ZFHX3: variants seen among roughly 807,000 people sequenced by gnomAD.
ZFHX3 encodes the protein zinc finger homeobox 3.
A neutral mutation model predicts 279.1 loss-of-function variants in ZFHX3; 42 were observed. The observed-to-expected ratio is 0.15, with a 90% CI of 0.12 to 0.19. The LOEUF (loss-of-function observed/expected upper bound fraction) is 0.19. Among genes scored for constraint, ZFHX3 ranks in the 10% least tolerant of loss-of-function variants. The probability of loss-of-function intolerance (pLI) is 1.00; values close to 1 mark genes in which losing one functional copy is unlikely to be tolerated. For missense variants in ZFHX3, 4,981 were observed against 4,754.0 expected (o/e 1.05, Z -1.40); for synonymous variants, 2,293 against 1,957.8 (o/e 1.17, Z -4.52).
At chr16:73,240,416 C>A (rs6499624) in intron 5 of ZFHX3, among the ~76,000 whole-genome samples, 1 of 151,682 alleles carries the variant, frequency 6.6e-6, no homozygotes, top group Non-Finnish European at 1.5e-5. Flanking sequence ...ACAGGGTTTC[C>A]CCATGTTCGC....
At chr16:73,243,941 T>C (rs2013203156) in intron 5 of ZFHX3, among the ~76,000 whole-genome samples, 1 of 152,210 alleles carries the variant, frequency 6.6e-6, no homozygotes, top group South Asian at 2.1e-4. Context: ...TGGTAGAGAA[T>C]GCCGGTAGAG....
intron 7 of ZFHX3, among the ~76,000 whole-genome samples, chr16:73,107,160 A>G (rs1259420091): frequency 1.3e-5 from 2 of 152,100 alleles, no homozygotes; most frequent in Non-Finnish European, 2.9e-5. Context: ...ATACAAAAAC[A>G]CTAGCTGAGT....
chr16:73,516,554 A>G (rs2019525924), intron 2 of ZFHX3, among the ~76,000 whole-genome samples: 1 of 152,310 alleles, frequency 6.6e-6, no homozygotes, highest in Middle Eastern at 3.4e-3. Context: ...AGGCTTAGAC[A>G]TACCTCCAGC....
At chr16:73,860,843 C>T (rs1202946611) in intron 1 of ZFHX3, among the ~76,000 whole-genome samples, 2 of 152,122 alleles carry the variant, frequency 1.3e-5, no homozygotes, top group African/African-American at 2.4e-5. Context: ...AGGGGCCACT[C>T]CCCCAACCCC....
chr16:73,431,902 C>G (rs1249923456), intron 3 of ZFHX3, among the ~76,000 whole-genome samples: 2 of 151,994 alleles, frequency 1.3e-5, no homozygotes, highest in Non-Finnish European at 2.9e-5. Flanking sequence ...AGCAACTAGA[C>G]CTTGGGACTC....
intron 2 of ZFHX3, among the ~76,000 whole-genome samples, chr16:73,481,267 T>G (rs547657563): frequency 5.3e-5 from 8 of 151,498 alleles, no homozygotes; most frequent in Admixed American, 2.6e-4. Context: ...AGGTGGAGGC[T>G]GCAGTGAGCT....
chr16:73,077,228 C>T (rs960188379), intron 8 of ZFHX3, among the ~76,000 whole-genome samples: 24 of 152,024 alleles, frequency 1.6e-4, no homozygotes, highest in African/African-American at 5.1e-4. Context: ...TGATCATTTC[C>T]CCTCAATCTA....
At chr16:73,797,354 G>C (rs959162469) in intron 1 of ZFHX3, among the ~76,000 whole-genome samples, 1 of 152,332 alleles carries the variant, frequency 6.6e-6, no homozygotes, top group Admixed American at 6.5e-5. Flanking sequence ...ATTTGCAGCA[G>C]TTTCCTGACC....
chr16:73,821,026 G>A (rs1300692358), intron 1 of ZFHX3, among the ~76,000 whole-genome samples: 2 of 152,140 alleles, frequency 1.3e-5, no homozygotes, highest in Non-Finnish European at 2.9e-5. Context: ...TGGGACTGAG[G>A]TCTAGAGAGC....
intron 3 of ZFHX3, among the ~76,000 whole-genome samples, chr16:73,412,285 C>T (rs1367435071): frequency 6.6e-6 from 1 of 150,620 alleles, no homozygotes; most frequent in African/African-American, 2.5e-5. Flanking sequence ...CATAATCACG[C>T]CACGGCACTC....
chr16:73,025,999 G>A (rs979219365), intron 1 of ZFHX3, among the ~76,000 whole-genome samples: 1 of 151,892 alleles, frequency 6.6e-6, no homozygotes, highest in Non-Finnish European at 1.5e-5. Flanking sequence ...CGCCAGATTC[G>A]ATGCTTCCCA....
chr16:73,454,327 T>C (rs1208292661), intron 3 of ZFHX3, among the ~76,000 whole-genome samples: 1 of 152,152 alleles, frequency 6.6e-6, no homozygotes, highest in African/African-American at 2.4e-5. Context: ...CCCGGATCTC[T>C]TTTACAGATG....
intron 1 of ZFHX3, among the ~76,000 whole-genome samples, chr16:72,981,652 T>A (rs1363542404): frequency 1.3e-5 from 2 of 152,136 alleles, no homozygotes; most frequent in Non-Finnish European, 2.9e-5. Context: ...CAGTGGTAAG[T>A]GGGCTTCTGG....
In ZFHX3 at chr16:73,852,915, C is replaced by A. The variant is rs1469765814; in HGVS notation, c.-1608+38736G>T. ...AAATATTTGCAAATCATGCCTCTGA[C>A]ACAGGACTAACATCCAGAATCTACA... On this transcript the variant is annotated intron_variant, in intron 1 of 17. Transcript: ENST00000641206. Among the ~76,000 whole-genome samples the A allele has an allele frequency of 2.0e-5, 3 of 152,264 alleles. No homozygotes were observed. In the East Asian group the frequency reaches 5.8e-4, roughly 29 times the overall value.
At chr16:73,289,387 G>C (rs1567441142) in intron 4 of ZFHX3, among the ~76,000 whole-genome samples, 1 of 152,012 alleles carries the variant, frequency 6.6e-6, no homozygotes, top group East Asian at 1.9e-4. Flanking sequence ...CCTTTTGGTG[G>C]GGATGTAAGA....
chr16:73,379,089 G>T (rs985593146), intron 3 of ZFHX3, among the ~76,000 whole-genome samples: 1 of 152,208 alleles, frequency 6.6e-6, no homozygotes, highest in Non-Finnish European at 1.5e-5. Context: ...ATGGCATGTT[G>T]AGGAGGGGGA....
chr16:73,559,273 C>T (rs1055913724), intron 2 of ZFHX3, among the ~76,000 whole-genome samples: 5 of 152,196 alleles, frequency 3.3e-5, no homozygotes, highest in Admixed American at 6.5e-5. Flanking sequence ...GTCTCAAACT[C>T]CTGGCTTCAA....
chr16:73,834,823 G>A (rs992378083), intron 1 of ZFHX3, among the ~76,000 whole-genome samples: 2 of 152,196 alleles, frequency 1.3e-5, no homozygotes, highest in African/African-American at 2.4e-5. Flanking sequence ...TCCAAGAGGC[G>A]GAGGTTGCAG....
At chr16:72,953,954 C>T (rs781604435) in intron 2 of ZFHX3, among the ~76,000 whole-genome samples, 5 of 152,184 alleles carry the variant, frequency 3.3e-5, no homozygotes, top group Non-Finnish European at 7.3e-5. Context: ...TGAAAACTCC[C>T]TTCGAGAACT....
Sources: allele counts gnomAD v4.1 joint callset (sites outside exome capture counted in the v4.1 genomes callset), GRCh38; gene constraint gnomAD v4.1.1; transcripts MANE v1.5; gene names NCBI Gene and HGNC (gene_info 2026-07-23, HGNC 2026-07-21).